LRBA: variants seen among roughly 807,000 people sequenced by gnomAD.
LRBA encodes the protein LPS responsive beige-like anchor protein, also known as lipopolysaccharide-responsive and beige-like anchor protein.
LRBA carries 176 observed loss-of-function variants against 330.0 expected under a neutral mutation model. The ratio of observed to expected loss-of-function variants is 0.53; its 90% CI spans 0.47 to 0.60. The LOEUF (loss-of-function observed/expected upper bound fraction) is 0.60. Among genes scored for constraint, LRBA ranks in the 20% least tolerant of loss-of-function variants. LRBA has a pLI of 0.00. For synonymous variants in LRBA, 1,230 were observed against 1,193.0 expected (o/e 1.03, Z -0.64); for missense variants, 3,259 against 3,444.8 (o/e 0.95, Z 1.35).
At chr4:150,958,191 T>C (rs1346781664) in intron 2 of LRBA, among the ~76,000 whole-genome samples, 1 of 149,074 alleles carries the variant, frequency 6.7e-6, no homozygotes, top group African/African-American at 2.6e-5. Flanking sequence ...AGCACACCTC[T>C]GCCTGGACAT....
chr4:150,633,546 T>A (rs1777587058), intron 37 of LRBA, among the ~76,000 whole-genome samples: 1 of 152,232 alleles, frequency 6.6e-6, no homozygotes, highest in African/African-American at 2.4e-5. Context: ...GTGAAAGGCA[T>A]CGTAGTTCAT....
intron 46 of LRBA, among the ~76,000 whole-genome samples, chr4:150,429,033 C>T (rs1750020127): frequency 6.6e-6 from 1 of 151,990 alleles, no homozygotes; most frequent in Non-Finnish European, 1.5e-5. Context: ...ATGAGGAAAA[C>T]AGTCAAAAAT....
chr4:150,817,040 A>G, intron 31 of LRBA, 84 bp downstream of exon 31: 1 of 1,271,820 alleles, frequency 7.9e-7, no homozygotes, highest in Non-Finnish European at 1.1e-6. Context: ...TGTGCCCCCA[A>G]ATTTTAAGTT....
rs747704683 is a variant in LRBA at position 151,014,559 on chromosome 4, A to G, written c.84T>C (p.Thr28=). 31 of 1,613,374 alleles carry G rather than the reference A, an allele frequency of 1.9e-5. No homozygotes were observed. The East Asian group carries it at 6.7e-4, about 35-fold the overall frequency. The change falls in exon 2 of 57, where the codon ACT becomes ACC. Residue 28 remains threonine, a synonymous_variant. Coordinates refer to ENST00000651943, the MANE Select transcript of LRBA (RefSeq NM_001364905.1). The part of the protein sequence containing the change: ...GGGGGREETP[T]EGGALSLKPG... The stretch of plus-strand genomic sequence containing the variant: ...GTTTCAGAGACAATGCACCCCCTTC[A>G]GTAGGGGTTTCTTCTCTCCCTCCAC...
chr4:150,687,837 T>G (rs1228624757), intron 36 of LRBA, among the ~76,000 whole-genome samples: 5 of 152,196 alleles, frequency 3.3e-5, no homozygotes, highest in Non-Finnish European at 7.4e-5. Context: ...TCCATGCTCA[T>G]GGATAGGAAG....
chr4:151,005,457 A>C (rs919039130), intron 2 of LRBA, among the ~76,000 whole-genome samples: 16 of 151,286 alleles, frequency 1.1e-4, no homozygotes, highest in African/African-American at 3.6e-4. Flanking sequence ...AAAAAAAAAA[A>C]AAAAAAACCC....
chr4:150,415,358 G>A (rs569812029), intron 47 of LRBA, 80 bp downstream of exon 47: 6 of 1,303,844 alleles, frequency 4.6e-6, no homozygotes, highest in Non-Finnish European at 5.4e-6. Context: ...AAGAGCAAGG[G>A]TTAATGATTA....
At chr4:150,581,075 A>T (rs1433231922) in intron 40 of LRBA, 1 of 157,458 alleles carries the variant, frequency 6.4e-6, no homozygotes, top group Non-Finnish European at 1.4e-5. Context: ...CAATTTTAGT[A>T]GCTTATTTTA....
chr4:150,460,899 T>C (rs532116831), intron 44 of LRBA, among the ~76,000 whole-genome samples: 1 of 152,034 alleles, frequency 6.6e-6, no homozygotes, highest in African/African-American at 2.4e-5. Flanking sequence ...CTTATTCTTT[T>C]ACTAGGATAG....
intron 33 of LRBA, among the ~76,000 whole-genome samples, chr4:150,799,988 G>A (rs979762291): frequency 5.3e-5 from 8 of 152,020 alleles, no homozygotes; most frequent in Admixed American, 6.6e-5. Context: ...CAGGTGATTC[G>A]CCAACCTTGG....
intron 2 of LRBA, among the ~76,000 whole-genome samples, chr4:151,010,029 G>T (rs1024852669): frequency 6.6e-6 from 1 of 151,660 alleles, no homozygotes; most frequent in Non-Finnish European, 1.5e-5. Context: ...TTAAAGAGAT[G>T]ATTTAAAGTA....
intron 47 of LRBA, among the ~76,000 whole-genome samples, chr4:150,381,048 T>C (rs538212571): frequency 1.6e-4 from 24 of 151,500 alleles, no homozygotes; most frequent in Admixed American, 1.5e-3. Flanking sequence ...TAATATTCCT[T>C]AGGAAATAGT....
chr4:150,954,817 C>CAAA (rs34282784), intron 2 of LRBA, among the ~76,000 whole-genome samples: 43 of 45,490 alleles, frequency 9.5e-4, no homozygotes, highest in South Asian at 1.8e-3. Flanking sequence ...ACTCAGAAAT[C>CAAA]AAAAAAAAAA....
intron 52 of LRBA, among the ~76,000 whole-genome samples, chr4:150,307,554 C>T (rs115669903): frequency 0.026 from 3,955 of 150,232 alleles, 187 homozygotes; most frequent in African/African-American, 0.089. Flanking sequence ...AACCCTGTCT[C>T]TATAAAAATT....
intron 40 of LRBA, among the ~76,000 whole-genome samples, chr4:150,512,384 T>C (rs1581543244): frequency 6.6e-6 from 1 of 152,222 alleles, no homozygotes; most frequent in African/African-American, 2.4e-5. Flanking sequence ...GAACTGAATG[T>C]GTCTTTCCAA....
intron 48 of LRBA, among the ~76,000 whole-genome samples, chr4:150,348,615 C>T (rs950260465): frequency 1.3e-5 from 2 of 152,084 alleles, no homozygotes; most frequent in African/African-American, 4.8e-5. Context: ...ATCAGTTCTA[C>T]AGTGAGAATT....
intron 36 of LRBA, among the ~76,000 whole-genome samples, chr4:150,711,008 G>A (rs1161484699): frequency 6.6e-6 from 1 of 151,674 alleles, no homozygotes; most frequent in African/African-American, 2.4e-5. Context: ...ATTCCCAGGA[G>A]CTATCTCATA....
At chr4:150,518,069 T>C (rs1561293748) in intron 40 of LRBA, among the ~76,000 whole-genome samples, 1 of 152,220 alleles carries the variant, frequency 6.6e-6, no homozygotes. Flanking sequence ...TATTTCTTCT[T>C]TCAGTTCGAG....
intron 14 of LRBA, among the ~76,000 whole-genome samples, chr4:150,898,774 C>T (rs1441419706): frequency 6.6e-6 from 1 of 152,044 alleles, no homozygotes; most frequent in Non-Finnish European, 1.5e-5. Flanking sequence ...AAAACTAGCA[C>T]CTAGGACAGT....
Sources: gnomAD v4.1 joint callset for allele counts (sites outside exome capture counted in the v4.1 genomes callset) on GRCh38, gnomAD v4.1.1 for gene constraint, MANE v1.5 for transcripts, NCBI Gene and HGNC (gene_info 2026-07-23, HGNC 2026-07-21) for gene names.